NEB: variants seen among roughly 807,000 people sequenced by gnomAD.
The protein encoded by NEB is nebulin.
NEB carries 512 observed loss-of-function variants against 952.2 expected under a neutral mutation model. The ratio of observed to expected loss-of-function variants is 0.54; its 90% CI spans 0.50 to 0.58. The LOEUF (loss-of-function observed/expected upper bound fraction) is 0.58. Ranked by LOEUF, NEB falls within the 20% of genes least tolerant of loss-of-function variation. NEB has a pLI of 0.00. For synonymous variants in NEB, 2,900 were observed against 3,149.8 expected (o/e 0.92, Z 2.66); for missense variants, 8,428 against 9,231.1 (o/e 0.91, Z 3.56).
chr2:151,546,813 C>T (rs1422079716), intron 133 of NEB, among the ~76,000 whole-genome samples: 1 of 152,174 alleles, frequency 6.6e-6, no homozygotes, highest in Non-Finnish European at 1.5e-5. Flanking sequence ...CCCACCTCAG[C>T]CTCCCAAAGT....
rs1229469680 is a variant in NEB at position 151,525,214 on chromosome 2, CA to C, written c.22220del (p.Leu7407ArgfsTer6). The C allele has an allele frequency of 1.2e-6, 2 of 1,613,990 alleles. No homozygotes were observed. The highest frequency in any genetic ancestry group is 1.7e-6 in the Non-Finnish European group (2 of 1,179,854). ...EKGKSNYSIM[L>X]EPPEVKHAME... ...TAGCATGTTTCACCTCTGGTGGCTC[CA>C]GCATGATGGAGTAGTTGGATTTTCC... On this transcript the variant is annotated frameshift_variant, in exon 151 of 182. Coordinates refer to ENST00000397345, the MANE Select transcript of NEB (RefSeq NM_001164508.2). LOFTEE classifies it high-confidence loss of function.
chr2:151,563,246 C>A (rs1001128228), intron 119 of NEB, among the ~76,000 whole-genome samples: 7 of 152,102 alleles, frequency 4.6e-5, no homozygotes, highest in Non-Finnish European at 8.8e-5. Flanking sequence ...AACTCCTGAC[C>A]TCTGGTGATC....
In NEB at chr2:151,562,177, A is replaced by G; in HGVS notation, c.18929T>C (p.Ile6310Thr). ...YKDDLNWLKG[I>T]GCYVWDTPQI... ...GGGTGTATCCCAAACGTAGCAACCA[A>G]TGCCTTTCAACCAATTCAGGTCATC... The change falls in exon 121 of 182, where the codon ATT (isoleucine) becomes ACT (threonine). Residue 6310 changes from isoleucine to threonine, a missense_variant. Coordinates refer to ENST00000397345, the MANE Select transcript of NEB (RefSeq NM_001164508.2). The G allele has an allele frequency of 1.9e-6, 3 of 1,613,610 alleles. No individual in the cohort carries two copies. Among genetic ancestry groups the G allele is most frequent in the African/African-American group, 2.7e-5 (2 of 75,026 alleles).
chr2:151,573,905 T>C (rs1284564067), intron 107 of NEB, among the ~76,000 whole-genome samples: 1 of 149,698 alleles, frequency 6.7e-6, no homozygotes, highest in East Asian at 1.9e-4. Context: ...TAAAATGACT[T>C]CTTCTGCAAA....
intron 34 of NEB, among the ~76,000 whole-genome samples, chr2:151,675,773 AGT>A (rs750690457): frequency 0.097 from 14,700 of 152,278 alleles, 1,181 homozygotes; most frequent in African/African-American, 0.22. Context: ...AGAAAGTAGT[AGT>A]TAGAATAAGT....
rs1298613899 is a variant in NEB, at chr2:151,614,458, C to T, written c.11419G>A (p.Glu3807Lys). 1.9e-6 allele frequency: 3 copies of T among 1,613,788 alleles called. No homozygotes were observed. Among genetic ancestry groups the T allele is most frequent in the Admixed American group, 1.7e-5 (1 of 59,994 alleles). ...AACTTGGTCTTCCACTTCTCAAACT[C>T]CTTCTTGTACTCCCTGTCACTCTGG... ...KIQSDREYKK[E>K]FEKWKTKFSS... The change falls in exon 77 of 182, where the codon GAG becomes AAG. Residue 3807 changes from glutamate (E) to lysine (K), a missense_variant. By Grantham distance (56) the Glu-to-Lys change is moderately conservative. Around this residue, in one of 11 missense-constraint regions of NEB, gnomAD observed 1,772 missense variants for 1,960.3 expected, o/e 0.90. Coordinates refer to ENST00000397345, the MANE Select transcript of NEB (RefSeq NM_001164508.2).
In NEB at chr2:151,677,791, A is replaced by C; in HGVS notation, c.3568-20T>G. 1.9e-6 allele frequency: 3 copies of C among 1,613,710 alleles called. No individual in the cohort carries two copies. Among genetic ancestry groups the C allele is most frequent in the Non-Finnish European group, 2.5e-6 (3 of 1,179,646 alleles). On this transcript the variant is annotated intron_variant, in intron 33 of 181. Transcript: ENST00000397345. ...GACGTTCTACAGCAATGGAGAAAAG[A>C]GGAGTGAGGGCCTAGGACAGGGTTC...
intron 13 of NEB, among the ~76,000 whole-genome samples, chr2:151,701,714 C>T (rs1191842996): frequency 2.7e-5 from 4 of 149,950 alleles, no homozygotes; most frequent in South Asian, 2.1e-4. Context: ...TGGTGATATC[C>T]CCTTTATCAT....
chr2:151,702,956 G>A (rs903051925), intron 13 of NEB, among the ~76,000 whole-genome samples: 4 of 152,054 alleles, frequency 2.6e-5, no homozygotes, highest in African/African-American at 7.2e-5. Flanking sequence ...TCCTAGTCTC[G>A]ATGGTCTTTA....
intron 10 of NEB, among the ~76,000 whole-genome samples, chr2:151,711,744 G>C (rs1045462103): frequency 6.6e-6 from 1 of 152,142 alleles, no homozygotes; most frequent in Non-Finnish European, 1.5e-5. Context: ...ATTCGCTAAA[G>C]AGTGCTTTGT....
At chr2:151,623,101 T>C (rs1461470735) in intron 71 of NEB, among the ~76,000 whole-genome samples, 2 of 152,218 alleles carry the variant, frequency 1.3e-5, no homozygotes, top group Non-Finnish European at 2.9e-5. Flanking sequence ...AGCCTTTGTG[T>C]AACCTCAAGG....
At chr2:151,618,205 T>C in intron 74 of NEB, 70 bp downstream of exon 74, 1 of 1,361,358 alleles carries the variant, frequency 7.3e-7, no homozygotes, top group South Asian at 1.2e-5. Context: ...TAAAATGCAA[T>C]AATATATCAG....
intron 140 of NEB, 74 bp downstream of exon 140, chr2:151,537,798 T>C (rs183613198): frequency 5.2e-6 from 5 of 968,572 alleles, no homozygotes; most frequent in African/African-American, 3.4e-5. Flanking sequence ...CTTCAGTTTT[T>C]ATGCCATGTA....
chr2:151,704,550 T>G (rs560365791), intron 13 of NEB, among the ~76,000 whole-genome samples: 1 of 152,232 alleles, frequency 6.6e-6, no homozygotes, highest in East Asian at 1.9e-4. Context: ...AGGTGCAGGA[T>G]ATAATCTCGT....
In NEB at chr2:151,733,134, T is replaced by A; in HGVS notation, c.23A>T (p.Glu8Val). MADDEDYEEVVEYYTEEV... is the reference protein window; with the variant it reads MADDEDYVEVVEYYTEEV... The stretch of plus-strand genomic sequence containing the variant: ...TTTAAATCTTACCTCCACCACCTCC[T>A]CATAGTCTTCGTCATCTGCCATTTT... Residue 8 changes from glutamate (E) to valine (V), a missense_variant, in exon 3 of 182, where the codon GAG becomes GTG. By Grantham distance (121) the Glu-to-Val change is moderately radical. This residue lies in a region of NEB where 2,851 missense variants were observed against 2,791.5 expected (regional missense o/e 1.02). Coordinates refer to ENST00000397345, the MANE Select transcript of NEB (RefSeq NM_001164508.2). The A allele has an allele frequency of 6.2e-7, 1 of 1,604,894 alleles. No individual in the cohort carries two copies. The highest frequency in any genetic ancestry group is 8.5e-7 in the Non-Finnish European group (1 of 1,175,986).
chr2:151,670,459 C>T (rs981222123), intron 38 of NEB, among the ~76,000 whole-genome samples: 6 of 151,912 alleles, frequency 3.9e-5, no homozygotes, highest in African/African-American at 1.5e-4. Flanking sequence ...GACATACAGA[C>T]GTGTCTCAGA....
intron 63 of NEB, among the ~76,000 whole-genome samples, chr2:151,636,755 T>C (rs990283341): frequency 1.3e-5 from 2 of 151,556 alleles, no homozygotes; most frequent in African/African-American, 4.9e-5. Context: ...CACTCCAGCC[T>C]GGGCAACAAG....
Position 151,568,279 on chromosome 2 carries a change from C to G in NEB, c.17736+37G>C, listed in dbSNP as rs775814036. 3 of 1,601,502 alleles carry G rather than the reference C, an allele frequency of 1.9e-6. No individual in the cohort carries two copies. The African/African-American group carries it at 4.0e-5, about 21-fold the overall frequency. ...TACAGTTCCATTAAGGCCCTCCACTCGTACACAAACACCAGGCATGTGGGT... is the reference window on the plus strand; with the variant it reads ...TACAGTTCCATTAAGGCCCTCCACTGGTACACAAACACCAGGCATGTGGGT... On this transcript the variant is annotated intron_variant, in intron 112 of 181. Coordinates refer to ENST00000397345, the MANE Select transcript of NEB (RefSeq NM_001164508.2).
chr2:151,636,662 TC>T (rs1482761705), intron 63 of NEB, among the ~76,000 whole-genome samples: 1 of 152,080 alleles, frequency 6.6e-6, no homozygotes, highest in Non-Finnish European at 1.5e-5. Flanking sequence ...ATGCCTGCAA[TC>T]CCAGTTACTT....
Sources: gnomAD v4.1 joint callset for allele counts (sites outside exome capture counted in the v4.1 genomes callset) on GRCh38, gnomAD v4.1.1 for gene constraint, gnomAD v4.1.1 regional missense constraint, MANE v1.5 for transcripts, NCBI Gene and HGNC (gene_info 2026-07-23, HGNC 2026-07-21) for gene names.